The following SOD2 variants were observed in gnomAD, a reference collection of about 807,000 sequenced individuals.
SOD2 encodes the protein superoxide dismutase [Mn], mitochondrial.
In SOD2, 11 loss-of-function variants were observed where a neutral mutation model predicts 27.0. The ratio of observed to expected loss-of-function variants is 0.41; its 90% CI spans 0.26 to 0.67. SOD2 has a LOEUF of 0.67. Ranked by LOEUF, SOD2 falls within the 30% of genes least tolerant of loss-of-function variation. SOD2 has a pLI of 0.34. For synonymous variants in SOD2, 105 were observed against 103.0 expected (o/e 1.02, Z -0.12); for missense variants, 250 against 274.5 (o/e 0.91, Z 0.63).
intron 1 of SOD2, chr6:159,727,097 G>A (rs1167515703): frequency 2.5e-6 from 3 of 1,194,582 alleles, no homozygotes; most frequent in African/African-American, 1.6e-5. Flanking sequence ...CGACCTCGCT[G>A]GCCCGCCCCT....
At chr6:159,711,545 T>A (rs1183250750) in intron 1 of SOD2, among the ~76,000 whole-genome samples, 4 of 123,048 alleles carry the variant, frequency 3.3e-5, no homozygotes, top group African/African-American at 3.0e-5. Flanking sequence ...CACATTGCTC[T>A]GATCACCATA....
At chr6:159,744,957 A>G (rs186208468) in intron 1 of SOD2, among the ~76,000 whole-genome samples, 91 of 152,340 alleles carry the variant, frequency 6.0e-4, no homozygotes, top group Admixed American at 3.3e-4. Flanking sequence ...TTGGGATTAT[A>G]GGTGTGAGCC....
At chr6:159,713,371 G>C in intron 1 of SOD2, 1 of 648,576 alleles carries the variant, frequency 1.5e-6, no homozygotes, top group Admixed American at 2.6e-5. Flanking sequence ...CCTATCACTG[G>C]GACCTGGCCA....
intron 1 of SOD2, chr6:159,738,943 G>A: frequency 1.4e-6 from 2 of 1,435,706 alleles, no homozygotes; most frequent in Non-Finnish European, 1.9e-6. Context: ...ATAGAACTTT[G>A]TGTCTTCAGG....
chr6:159,746,743 T>C (rs1187407628), upstream of SOD2, among the ~76,000 whole-genome samples: 2 of 152,222 alleles, frequency 1.3e-5, no homozygotes, highest in Admixed American at 6.5e-5. Flanking sequence ...ATTTAGTCTT[T>C]TGCCAATCAA....
intron 2 of SOD2, chr6:159,691,059 G>C (rs1056567785): frequency 2.0e-5 from 3 of 152,116 alleles, no homozygotes; most frequent in Non-Finnish European, 2.9e-5. Flanking sequence ...AAGCTCTGCA[G>C]GTACTCAATC....
In SOD2 at chr6:159,680,887, G is replaced by A. The variant is rs2495280; in HGVS notation, c.*1606C>T. 66,743 of 150,136 alleles carry A rather than the reference G, an allele frequency of 0.44. 15,415 individuals carry two copies. Among genetic ancestry groups the A allele is most frequent in the Admixed American group, 0.5 (7,552 of 15,024 alleles). The allele number at this position is 150,136 out of a possible 1,614,324, so 9.3% of individuals were successfully genotyped here. ...GGAAGTGGAGGTTGCAGTGAGCTCCGGTCGCGCCACTGCACTCCAGCCTGG... is the reference window on the plus strand; with the variant it reads ...GGAAGTGGAGGTTGCAGTGAGCTCCAGTCGCGCCACTGCACTCCAGCCTGG... On this transcript the variant is annotated 3_prime_UTR_variant, in exon 5 of 5. Transcript: ENST00000538183.
In SOD2 at chr6:159,678,174, T is replaced by G. The variant is rs540437061; in HGVS notation, c.*4319A>C. The G allele has an allele frequency of 1.2e-4, 19 of 152,344 alleles. No homozygotes were observed. The highest frequency in any genetic ancestry group is 4.3e-4 in the African/African-American group (18 of 41,560). 9.4% of individuals were successfully genotyped at this position (152,344 alleles called of 1,614,324 possible). Reference sequence around the variant, plus strand: ...GAGAGCATGAAAGCTCCATACCCCTTCCCACATGCCTTGCCCTGTGCATCT... The same window carrying G: ...GAGAGCATGAAAGCTCCATACCCCTGCCCACATGCCTTGCCCTGTGCATCT... On this transcript the variant is annotated 3_prime_UTR_variant, in exon 5 of 5. Coordinates refer to ENST00000538183, the MANE Select transcript of SOD2 (RefSeq NM_000636.4).
chr6:159,755,892 A>C (rs1349541885), intron 1 of SOD2: 2 of 358,188 alleles, frequency 5.6e-6, no homozygotes, highest in Non-Finnish European at 9.2e-6. Context: ...ATATGAGTTA[A>C]TGTGAAATTG....
chr6:159,687,902 T>C (rs1376842558), intron 3 of SOD2, among the ~76,000 whole-genome samples: 2 of 151,944 alleles, frequency 1.3e-5, no homozygotes, highest in Non-Finnish European at 2.9e-5. Flanking sequence ...TCCCAGCTAC[T>C]TGGGAGGCTG....
At chr6:159,727,217 G>A in exon 1 of SOD2, 2 of 1,265,028 alleles carry the variant, frequency 1.6e-6, no homozygotes, top group Non-Finnish European at 1.0e-6. Context: ...CTGCTCCATT[G>A]TGCCTCGAGG....
At chr6:159,700,639 C>T (rs966669782) in intron 1 of SOD2, among the ~76,000 whole-genome samples, 4 of 127,786 alleles carry the variant, frequency 3.1e-5, no homozygotes, top group Non-Finnish European at 4.7e-5. Context: ...TGGTGACGTG[C>T]GAGACTCTGT....
Position 159,712,416 on chromosome 6 carries a change from CATAA to C in SOD2, c.-116+14709_-116+14712del, listed in dbSNP as rs1435248587. 1.8e-3 allele frequency among the ~76,000 whole-genome samples: 164 copies of C among 91,300 alleles called. 8 individuals carry two copies. The highest frequency in any genetic ancestry group is 3.3e-3 in the East Asian group (12 of 3,684). The allele number at this position is 91,300 out of a possible 152,430, so 59.9% of individuals were successfully genotyped here. On this transcript the variant is annotated intron_variant, in intron 1 of 2. Transcript: ENST00000401980. ...CCACCACTCACACTGCTCTGATCACCATAACCACCTCCATAACCACCACTCACAC... is the reference window on the plus strand; with the variant it reads ...CCACCACTCACACTGCTCTGATCACCCCACCTCCATAACCACCACTCACAC...
chr6:159,731,957 G>A (rs1486420178), upstream of SOD2, among the ~76,000 whole-genome samples: 1 of 150,506 alleles, frequency 6.6e-6, no homozygotes, highest in Non-Finnish European at 1.5e-5. Context: ...ATAAGAATAT[G>A]GATACCTGTC....
chr6:159,737,358 A>G (rs778654736), intron 1 of SOD2, among the ~76,000 whole-genome samples: 1 of 152,070 alleles, frequency 6.6e-6, no homozygotes, highest in Non-Finnish European at 1.5e-5. Flanking sequence ...GCCTTTCAAT[A>G]TGTTACATTA....
At chr6:159,694,662 G>A (rs1777383661), upstream of SOD2, among the ~76,000 whole-genome samples, 2 of 151,926 alleles carry the variant, frequency 1.3e-5, no homozygotes, top group Non-Finnish European at 2.9e-5. Context: ...GTGTCGCGAT[G>A]TCGGCTCACT....
chr6:159,748,693 G>A, upstream of SOD2: 1 of 1,252,160 alleles, frequency 8.0e-7, no homozygotes. This position sits in a 1 kb window ranked among gnomAD's most constrained non-coding sequence, Gnocchi z 5.6. Flanking sequence ...GAAGAAAATA[G>A]AGGGAGAAAC....
At chr6:159,758,512 G>C (rs1350655368) in intron 1 of SOD2, among the ~76,000 whole-genome samples, 1 of 152,204 alleles carries the variant, frequency 6.6e-6, no homozygotes, top group African/African-American at 2.4e-5. Context: ...TACTTTCTCA[G>C]ATGTTCCCTC....
At chr6:159,749,167 G>GT (rs1779731121), upstream of SOD2, 1 of 985,880 alleles carries the variant, frequency 1.0e-6, no homozygotes, top group South Asian at 4.7e-5. Flanking sequence ...TGAAGGTGTG[G>GT]TATCAAACTT....
Sources: gnomAD v4.1 joint callset for allele counts (sites outside exome capture counted in the v4.1 genomes callset) on GRCh38, gnomAD v4.1.1 for gene constraint, Gnocchi (gnomAD v3.1) non-coding constraint, MANE v1.5 for transcripts, NCBI Gene and HGNC (gene_info 2026-07-23, HGNC 2026-07-21) for gene names.